Variants in LEPR observed in about 807,000 individuals in gnomAD.
LEPR encodes OB receptor.
Under a neutral mutation model 114.7 loss-of-function variants are expected in LEPR, and 56 were observed. The observed-to-expected ratio is 0.49, with a 90% CI of 0.39 to 0.61. LEPR has a LOEUF of 0.61. LEPR is among the 20% of genes least tolerant of loss of function. The pLI is 0.00. For missense variants in LEPR, 1,202 were observed against 1,352.9 expected, an observed-to-expected ratio of 0.89 and a Z score of 1.75; for synonymous variants, 443 against 461.4, an observed-to-expected ratio of 0.96 and a Z score of 0.51.
intron 15 of LEPR, 59 bp downstream of exon 15, chr1:65,616,283 C>T: frequency 6.5e-7 from 1 of 1,535,176 alleles, no homozygotes; most frequent in Non-Finnish European, 8.9e-7. Flanking sequence ...CTTTTGCAAA[C>T]TCTCCTATTT....
At chr1:65,583,202 A>C (rs748705714) in intron 5 of LEPR, among the ~76,000 whole-genome samples, 1 of 152,202 alleles carries the variant, frequency 6.6e-6, no homozygotes, top group African/African-American at 2.4e-5. Context: ...TGAGCCCAAC[A>C]ATCTTGCAGA....
intron 2 of LEPR, among the ~76,000 whole-genome samples, chr1:65,487,133 A>G (rs1647533399): frequency 6.6e-6 from 1 of 152,182 alleles, no homozygotes; most frequent in Admixed American, 6.6e-5. Flanking sequence ...ATTTTTGGAA[A>G]GTTTGCTCAT....
chr1:65,536,039 C>T (rs997507939), intron 2 of LEPR, among the ~76,000 whole-genome samples: 2 of 152,154 alleles, frequency 1.3e-5, no homozygotes, highest in African/African-American at 4.8e-5. Context: ...TTTTAAGCTA[C>T]ACCACTGATA....
intron 2 of LEPR, among the ~76,000 whole-genome samples, chr1:65,438,114 T>C (rs1646590598): frequency 5.4e-5 from 1 of 18,386 alleles, no homozygotes; most frequent in South Asian, 2.3e-3. Flanking sequence ...CCTAGCCGCC[T>C]TTTTTTTTTT....
chr1:65,481,373 C>T (rs1647232544), intron 2 of LEPR, among the ~76,000 whole-genome samples: 1 of 152,052 alleles, frequency 6.6e-6, no homozygotes, highest in Admixed American at 6.6e-5. Flanking sequence ...CCACAACTTC[C>T]CAGCATAAAT....
At chr1:65,487,066 A>C (rs1475508193) in intron 2 of LEPR, among the ~76,000 whole-genome samples, 1 of 152,178 alleles carries the variant, frequency 6.6e-6, no homozygotes, top group Non-Finnish European at 1.5e-5. Context: ...GCACACAGAT[A>C]ACTAAAACAC....
intron 2 of LEPR, among the ~76,000 whole-genome samples, chr1:65,501,978 A>G (rs182853462): frequency 1.9e-4 from 29 of 152,262 alleles, no homozygotes; most frequent in Non-Finnish European, 3.8e-4. Context: ...TGGCAATGTG[A>G]AAGTTATATG....
At chr1:65,465,775 C>T (rs568114677) in intron 2 of LEPR, among the ~76,000 whole-genome samples, 4 of 152,228 alleles carry the variant, frequency 2.6e-5, no homozygotes, top group African/African-American at 4.8e-5. Context: ...TTTACCATTA[C>T]GTAGTGGCCT....
chr1:65,637,741 A>G lies in LEPR; in HGVS notation c.*726A>G, dbSNP rs1658762722. 1.3e-5 allele frequency: 2 copies of G among 152,232 alleles called. No individual in the cohort carries two copies. The highest frequency in any genetic ancestry group is 4.8e-5 in the African/African-American group (2 of 41,434). The allele number at this position is 152,232 out of a possible 1,614,324, so 9.4% of individuals were successfully genotyped here. On this transcript the variant is annotated 3_prime_UTR_variant, in exon 20 of 20. Transcript: ENST00000349533. Reference sequence around the variant, plus strand: ...ATGTCACTGTATATCTCTCCGGAATAATTGTCTTCCCCCATCCCCACCTGG... The same window carrying G: ...ATGTCACTGTATATCTCTCCGGAATGATTGTCTTCCCCCATCCCCACCTGG...
chr1:65,622,613 C>A (rs1404431908), intron 18 of LEPR, among the ~76,000 whole-genome samples: 1 of 152,094 alleles, frequency 6.6e-6, no homozygotes, highest in Non-Finnish European at 1.5e-5. Flanking sequence ...CACTTTGTGA[C>A]CATTTTTAAT....
intron 2 of LEPR, among the ~76,000 whole-genome samples, chr1:65,438,649 T>TGTA (rs1205367995): frequency 6.6e-6 from 1 of 151,804 alleles, no homozygotes; most frequent in Non-Finnish European, 1.5e-5. Flanking sequence ...GTAGCTGAAC[T>TGTA]GTAGCTACTG....
At chr1:65,431,672 T>G in intron 2 of LEPR, 1 of 862,778 alleles carries the variant, frequency 1.2e-6, no homozygotes, top group East Asian at 2.6e-5. Context: ...TGTCTCCTGT[T>G]ACATTATTAA....
chr1:65,599,691 A>G (rs1454568077), intron 8 of LEPR, among the ~76,000 whole-genome samples: 4 of 152,028 alleles, frequency 2.6e-5, no homozygotes, highest in Non-Finnish European at 5.9e-5. Flanking sequence ...TAAAATAGGG[A>G]TGTTTTACAT....
chr1:65,531,015 T>C (rs1214351491), intron 2 of LEPR, among the ~76,000 whole-genome samples: 2 of 152,156 alleles, frequency 1.3e-5, no homozygotes, highest in Admixed American at 1.3e-4. Flanking sequence ...GCATGTCGGA[T>C]CATGTCACTT....
At chr1:65,618,691 T>C (rs150254466) in intron 16 of LEPR, among the ~76,000 whole-genome samples, 112 of 152,212 alleles carry the variant, frequency 7.4e-4, no homozygotes, top group African/African-American at 2.6e-3. Context: ...TATCATATCA[T>C]ATCATATCAT....
intron 2 of LEPR, among the ~76,000 whole-genome samples, chr1:65,527,516 C>G (rs902921807): frequency 3.9e-5 from 6 of 152,132 alleles, no homozygotes; most frequent in Non-Finnish European, 2.9e-5. Flanking sequence ...GTTGCTACTT[C>G]TAATGTTTTA....
chr1:65,531,720 G>A (rs899972204), intron 2 of LEPR, among the ~76,000 whole-genome samples: 11 of 151,972 alleles, frequency 7.2e-5, no homozygotes, highest in Non-Finnish European at 1.2e-4. Flanking sequence ...AATATAACAC[G>A]TTAATTTAAA....
At chr1:65,627,875 C>T (rs1371043847) in intron 19 of LEPR, among the ~76,000 whole-genome samples, 2 of 152,040 alleles carry the variant, frequency 1.3e-5, no homozygotes, top group African/African-American at 4.8e-5. Context: ...TCTCCAAATT[C>T]AGATATTTTG....
At chr1:65,569,742 G>A (rs1365652211) in intron 3 of LEPR, among the ~76,000 whole-genome samples, 2 of 146,720 alleles carry the variant, frequency 1.4e-5, no homozygotes, top group African/African-American at 2.5e-5. Context: ...AAAAGACAAG[G>A]TTTAACTTTT....
Sources: allele counts gnomAD v4.1 joint callset (sites outside exome capture counted in the v4.1 genomes callset), GRCh38; gene constraint gnomAD v4.1.1; transcripts MANE v1.5; gene names NCBI Gene and HGNC (gene_info 2026-07-23, HGNC 2026-07-21).